The following ERH variants were observed in gnomAD, a reference collection of about 807,000 sequenced individuals.
ERH encodes enhancer of rudimentary homolog.
A neutral mutation model predicts 16.8 loss-of-function variants in ERH; 1 was observed. The observed-to-expected ratio is 0.06, with a 90% CI of 0.02 to 0.28. The LOEUF (loss-of-function observed/expected upper bound fraction) is 0.28. Among genes scored for constraint, ERH ranks in the 10% least tolerant of loss-of-function variants. The probability of loss-of-function intolerance (pLI) is 1.00; values close to 1 mark genes in which losing one functional copy is unlikely to be tolerated. For synonymous variants in ERH, 43 were observed against 43.6 expected (o/e 0.99, Z 0.05); for missense variants, 42 against 127.5 (o/e 0.33, Z 3.23).
intron 1 of ERH, among the ~76,000 whole-genome samples, chr14:69,395,581 T>C (rs1044969623): frequency 3.3e-5 from 5 of 152,232 alleles, no homozygotes; most frequent in African/African-American, 9.6e-5. Context: ...TCAGATGGGC[T>C]GATGAAAGGA....
At chr14:69,387,172 T>C in intron 2 of ERH, 89 bp from the exon 3 acceptor site, 3 of 1,036,154 alleles carry the variant, frequency 2.9e-6, no homozygotes, top group East Asian at 5.1e-5. Flanking sequence ...TATATGTTGA[T>C]ATCATATTTA....
rs1234607849 is a variant in ERH, at chr14:69,385,642, A to T, written c.212+1321T>A. On this transcript the variant is annotated intron_variant, in intron 3 of 3. Transcript: ENST00000557016. ...TTCTTTCAAGCAAAATTCTTTAAATAAAAAAAAGGAAAAAAAAAAAAAAAG... is the reference window on the plus strand; with the variant it reads ...TTCTTTCAAGCAAAATTCTTTAAATTAAAAAAAGGAAAAAAAAAAAAAAAG... 3.0e-5 allele frequency among the ~76,000 whole-genome samples: 4 copies of T among 133,994 alleles called. No homozygotes were observed. The East Asian group carries it at 6.2e-4, about 21-fold the overall frequency. 87.9% of individuals were successfully genotyped at this position (133,994 alleles called of 152,430 possible).
At chr14:69,381,401 A>G (rs897428752) in intron 3 of ERH, among the ~76,000 whole-genome samples, 6 of 152,254 alleles carry the variant, frequency 3.9e-5, no homozygotes, top group Admixed American at 6.5e-5. Flanking sequence ...TAAAGTATTA[A>G]GGAAATCTTA....
rs980946011 is a variant in ERH, at chr14:69,398,069, T to C, written c.3+162A>G. On this transcript the variant is annotated intron_variant, in intron 1 of 3. Transcript: ENST00000557016. ...GGGCTCCGAGGCCTAGAGTCAGGCC[T>C]GGCGTCCCTGCGGCGGGAAGAAGGG... 3.0e-5 allele frequency: 28 copies of C among 928,064 alleles called. No individual in the cohort carries two copies. The African/African-American group carries it at 4.4e-4, about 15-fold the overall frequency. 57.5% of individuals were successfully genotyped at this position (928,064 alleles called of 1,614,324 possible).
chr14:69,396,828 A>C (rs919881344), intron 1 of ERH, among the ~76,000 whole-genome samples: 5 of 152,220 alleles, frequency 3.3e-5, no homozygotes, highest in Non-Finnish European at 7.3e-5. Flanking sequence ...ATCGATTTAA[A>C]AGCCACAGAA....
rs150239326 is a variant in ERH at position 69,381,174 on chromosome 14, A to G, written c.213-534T>C. On this transcript the variant is annotated intron_variant, in intron 3 of 3. Coordinates refer to ENST00000557016, the MANE Select transcript of ERH (RefSeq NM_004450.3). Reference sequence around the variant, plus strand: ...TGCACGCCTGTAGTCCTGCCTACTCAGGAGGCTGAGGCAAGGGAATTGCTT... The same window carrying G: ...TGCACGCCTGTAGTCCTGCCTACTCGGGAGGCTGAGGCAAGGGAATTGCTT... Among the ~76,000 whole-genome samples the G allele has an allele frequency of 3.1e-3, 476 of 152,196 alleles. 4 individuals carry two copies. Among genetic ancestry groups the G allele is most frequent in the African/African-American group, 0.011 (462 of 41,540 alleles).
chr14:69,394,826 T>C lies in ERH; in HGVS notation c.90A>G (p.Glu30=). The change falls in exon 2 of 4, where the codon GAA becomes GAG. Residue 30 remains glutamate (E), a splice_region_variant and synonymous_variant. Transcript: ENST00000557016. Reference sequence around the variant, plus strand: ...CCCCTTGATTAGTGTTAAACTCACCTTCCATGCATTCATTCACAGATTCGT... The same window carrying C: ...CCCCTTGATTAGTGTTAAACTCACCCTCCATGCATTCATTCACAGATTCGT... ...ADYESVNECM[E]GVCKMYEEHL... is the part of the protein sequence containing the mutation. The C allele has an allele frequency of 6.2e-7, 1 of 1,609,648 alleles. No individual in the cohort carries two copies.
At chr14:69,389,574 A>G (rs572172867) in intron 2 of ERH, among the ~76,000 whole-genome samples, 3 of 152,352 alleles carry the variant, frequency 2.0e-5, no homozygotes, top group South Asian at 2.1e-4. Context: ...AGAACTAAGA[A>G]ATGAGTACAG....
chr14:69,388,894 G>A (rs904346062), intron 2 of ERH, among the ~76,000 whole-genome samples: 23 of 152,058 alleles, frequency 1.5e-4, no homozygotes, highest in Non-Finnish European at 2.9e-5. Flanking sequence ...AACTATCTTA[G>A]GGCTTTTTAT....
Position 69,380,570 on chromosome 14 carries a change from GGAGC to G in ERH, c.279_282del (p.Leu94PhefsTer52). The stretch of plus-strand genomic sequence containing the variant: ...CCAGCCTGTTGGGCCTGCCGACGAA[GGAGC>G]ACGTAGATCTTCTCTTTAATCCAGT... On this transcript the variant is annotated frameshift_variant, in exon 4 of 4. Coordinates refer to ENST00000557016, the MANE Select transcript of ERH (RefSeq NM_004450.3). LOFTEE classifies it high-confidence loss of function. The G allele has an allele frequency of 6.2e-7, 1 of 1,603,102 alleles. No homozygotes were observed. Among genetic ancestry groups the G allele is most frequent in the South Asian group, 1.1e-5 (1 of 89,690 alleles).
At chr14:69,388,621 C>T (rs1383911266) in intron 2 of ERH, among the ~76,000 whole-genome samples, 1 of 152,164 alleles carries the variant, frequency 6.6e-6, no homozygotes, top group South Asian at 2.1e-4. Flanking sequence ...CTCAGCCTCC[C>T]AAAGGGCTGG....
chr14:69,390,786 G>A (rs2045919785), intron 2 of ERH, among the ~76,000 whole-genome samples: 2 of 152,192 alleles, frequency 1.3e-5, no homozygotes, highest in South Asian at 2.1e-4. Flanking sequence ...AAGGACTAAT[G>A]TCTAAAAATA....
At chr14:69,396,071 G>C (rs995206142) in intron 1 of ERH, among the ~76,000 whole-genome samples, 5 of 152,184 alleles carry the variant, frequency 3.3e-5, no homozygotes, top group Admixed American at 6.5e-5. Context: ...CTGGTCTGTT[G>C]AAAATATGAC....
At chr14:69,384,557 C>T (rs918255369) in intron 3 of ERH, among the ~76,000 whole-genome samples, 4 of 152,122 alleles carry the variant, frequency 2.6e-5, no homozygotes, top group African/African-American at 4.8e-5. Flanking sequence ...ATCCCAAAAG[C>T]GTCAGGATTA....
chr14:69,391,615 T>C (rs570845141), intron 2 of ERH, among the ~76,000 whole-genome samples: 14 of 129,104 alleles, frequency 1.1e-4, no homozygotes, highest in Middle Eastern at 0.012. Context: ...GTCACAGCAT[T>C]CCAGCCTGGG....
At chr14:69,388,639 G>A (rs2045906622) in intron 2 of ERH, among the ~76,000 whole-genome samples, 1 of 152,142 alleles carries the variant, frequency 6.6e-6, no homozygotes, top group African/African-American at 2.4e-5. Flanking sequence ...TGGGATTACA[G>A]GCTTGAGCCA....
rs1566899938 is a variant in ERH at position 69,386,906 on chromosome 14, A to G, written c.212+57T>C. On this transcript the variant is annotated intron_variant, in intron 3 of 3. Transcript: ENST00000557016. ...GCTCCCAATACCATAAATCACCTCA[A>G]ACAGACAGAAAAGCAATAGAAAATA... 6.3e-6 allele frequency: 10 copies of G among 1,585,502 alleles called. No homozygotes were observed. The South Asian group carries it at 6.7e-5, about 11-fold the overall frequency.
Position 69,387,969 on chromosome 14 carries a change from C to G in ERH, c.92-886G>C, listed in dbSNP as rs545899210. On this transcript the variant is annotated intron_variant, in intron 2 of 3. Transcript: ENST00000557016. ...GCTGAAGCAGGAGAATGGCATGAAC[C>G]TGGGAGGTGGAGATTGCAGTGAGCC... Among the ~76,000 whole-genome samples the G allele has an allele frequency of 7.2e-5, 11 of 152,306 alleles. No homozygotes were observed. The South Asian group carries it at 2.3e-3, about 32-fold the overall frequency.
intron 1 of ERH, among the ~76,000 whole-genome samples, chr14:69,395,678 T>G (rs1024167121): frequency 7.2e-5 from 11 of 152,210 alleles, no homozygotes; most frequent in African/African-American, 2.7e-4. Flanking sequence ...AAAGTCACAT[T>G]TTATCCAGGG....
Sources: gnomAD v4.1 joint callset for allele counts (sites outside exome capture counted in the v4.1 genomes callset) on GRCh38, gnomAD v4.1.1 for gene constraint, MANE v1.5 for transcripts, NCBI Gene and HGNC (gene_info 2026-07-23, HGNC 2026-07-21) for gene names.